Variants in CTNNBL1 observed in about 807,000 individuals in gnomAD.
CTNNBL1 encodes beta-catenin-like protein 1.
In CTNNBL1, 31 loss-of-function variants were observed where a neutral mutation model predicts 72.7. The ratio of observed to expected loss-of-function variants is 0.43; its 90% CI spans 0.32 to 0.58. The LOEUF (loss-of-function observed/expected upper bound fraction) is 0.58. CTNNBL1 is among the 20% of genes least tolerant of loss of function. CTNNBL1 has a pLI of 0.08. For missense variants in CTNNBL1, 534 were observed against 725.1 expected, an observed-to-expected ratio of 0.74 and a Z score of 3.03; for synonymous variants, 240 against 267.3, an observed-to-expected ratio of 0.90 and a Z score of 1.00.
intron 15 of CTNNBL1, among the ~76,000 whole-genome samples, chr20:37,866,057 G>C (rs1169276265): frequency 6.6e-6 from 1 of 152,254 alleles, no homozygotes; most frequent in Non-Finnish European, 1.5e-5. Context: ...GTTGGCATGT[G>C]CGTGGCTTGC....
intron 10 of CTNNBL1, among the ~76,000 whole-genome samples, chr20:37,795,345 A>G (rs1333219273): frequency 6.6e-6 from 1 of 152,102 alleles, no homozygotes; most frequent in East Asian, 1.9e-4. Context: ...GTAGAAATAC[A>G]GTTTTGCCAT....
At chr20:37,748,760 G>A (rs1449816558) in intron 4 of CTNNBL1, among the ~76,000 whole-genome samples, 1 of 152,202 alleles carries the variant, frequency 6.6e-6, no homozygotes, top group East Asian at 1.9e-4. Flanking sequence ...TCCTCACATG[G>A]TGGAAGGAGT....
At chr20:37,737,281 G>A in intron 2 of CTNNBL1, 97 bp from the exon 3 acceptor site, 1 of 812,278 alleles carries the variant, frequency 1.2e-6, no homozygotes, top group Non-Finnish European at 2.1e-6. Context: ...AAGGTCAATG[G>A]CAGAGTGAGG....
chr20:37,804,113 G>A (rs2071931096), intron 11 of CTNNBL1, among the ~76,000 whole-genome samples: 1 of 152,168 alleles, frequency 6.6e-6, no homozygotes, highest in South Asian at 2.1e-4. Context: ...AGCAAAAGAG[G>A]AACTGGCCTT....
rs183521662 is a variant in CTNNBL1 at position 37,740,842 on chromosome 20, T to C, written c.326+3358T>C. Reference sequence around the variant, plus strand: ...TTATTATAAAATAGTTTTGATCTTATAATTCCCTGAAAGGATCTCCAGCCA... The same window carrying C: ...TTATTATAAAATAGTTTTGATCTTACAATTCCCTGAAAGGATCTCCAGCCA... On this transcript the variant is annotated intron_variant, in intron 3 of 15. Transcript: ENST00000361383. 3.3e-5 allele frequency among the ~76,000 whole-genome samples: 5 copies of C among 152,342 alleles called. No homozygotes were observed. In the East Asian group the frequency reaches 9.7e-4, roughly 29 times the overall value.
intron 15 of CTNNBL1, among the ~76,000 whole-genome samples, chr20:37,866,237 G>GC (rs896710231): frequency 8.3e-4 from 127 of 152,338 alleles, no homozygotes; most frequent in African/African-American, 2.9e-3. Context: ...TAGGATTGCT[G>GC]CCCCCGGGCC....
chr20:37,769,817 A>G (rs1484882109), intron 7 of CTNNBL1, among the ~76,000 whole-genome samples: 1 of 152,238 alleles, frequency 6.6e-6, no homozygotes, highest in Non-Finnish European at 1.5e-5. Flanking sequence ...TGTCACAAGC[A>G]TCCAGAAAGT....
intron 5 of CTNNBL1, among the ~76,000 whole-genome samples, chr20:37,760,298 A>C (rs2073404585): frequency 6.6e-6 from 1 of 152,186 alleles, no homozygotes; most frequent in African/African-American, 2.4e-5. Flanking sequence ...TCTACTTGCC[A>C]GTCCCCAAAC....
Position 37,801,576 on chromosome 20 carries a change from C to CTA in CTNNBL1, c.1032-1289_1032-1288dup, listed in dbSNP as rs370465545. ...TGAAAATAGTTTATGTTTTTTAATTCTATGTTCATTATGGAAAAATGAGAA... is the reference window on the plus strand; with the variant it reads ...TGAAAATAGTTTATGTTTTTTAATTCTATATGTTCATTATGGAAAAATGAGAA... On this transcript the variant is annotated intron_variant, in intron 10 of 15. Coordinates refer to ENST00000361383, the MANE Select transcript of CTNNBL1 (RefSeq NM_030877.5). 3.1e-3 allele frequency among the ~76,000 whole-genome samples: 464 copies of CTA among 151,838 alleles called. 5 individuals are homozygous for CTA. The highest frequency in any genetic ancestry group is 0.01 in the African/African-American group (416 of 41,384).
At chr20:37,800,480 AT>A (rs776864496) in intron 10 of CTNNBL1, among the ~76,000 whole-genome samples, 22 of 151,816 alleles carry the variant, frequency 1.4e-4, no homozygotes, top group Non-Finnish European at 2.9e-4. Flanking sequence ...GTGGCCGTTT[AT>A]TTTGCTTTTT....
chr20:37,783,825 A>G (rs115530831), intron 10 of CTNNBL1, among the ~76,000 whole-genome samples: 4,910 of 152,318 alleles, frequency 0.032, 262 homozygotes, highest in African/African-American at 0.11. Context: ...AAGAATGTGT[A>G]TTCTGCAGCT....
At chr20:37,695,722 T>C (rs1434872631) in intron 1 of CTNNBL1, among the ~76,000 whole-genome samples, 2 of 152,186 alleles carry the variant, frequency 1.3e-5, no homozygotes, top group African/African-American at 4.8e-5. Flanking sequence ...ATACTTAATT[T>C]CTCTCTGCCT....
intron 5 of CTNNBL1, among the ~76,000 whole-genome samples, chr20:37,762,430 G>A (rs6126098): frequency 0.3 from 45,747 of 151,890 alleles, 7,823 homozygotes; most frequent in South Asian, 0.43. Flanking sequence ...ATCCTCTTTG[G>A]TCAAGTGGAA....
intron 7 of CTNNBL1, among the ~76,000 whole-genome samples, chr20:37,772,871 A>T (rs142084718): frequency 6.6e-6 from 1 of 152,326 alleles, no homozygotes; most frequent in Non-Finnish European, 1.5e-5. Flanking sequence ...GCCTAGCAGT[A>T]TATAGAGATA....
At chr20:37,694,701 TTG>T (rs768627327) in intron 1 of CTNNBL1, among the ~76,000 whole-genome samples, 35 of 152,238 alleles carry the variant, frequency 2.3e-4, no homozygotes, top group Non-Finnish European at 4.1e-4. Context: ...AAAGCTGTGC[TTG>T]TGTTTACTGC....
intron 11 of CTNNBL1, among the ~76,000 whole-genome samples, chr20:37,824,604 A>G (rs550306579): frequency 1.3e-5 from 2 of 152,360 alleles, no homozygotes; most frequent in East Asian, 3.9e-4. Flanking sequence ...AATAGATCAC[A>G]TAAAGGTTTA....
At chr20:37,751,683 A>G (rs1192956067) in intron 4 of CTNNBL1, 1 of 152,242 alleles carries the variant, frequency 6.6e-6, no homozygotes, top group Non-Finnish European at 1.5e-5. Context: ...ACAGTAGTCA[A>G]GGGTGCCTTG....
intron 10 of CTNNBL1, among the ~76,000 whole-genome samples, chr20:37,790,320 G>T (rs1177266023): frequency 1.3e-5 from 2 of 152,046 alleles, no homozygotes; most frequent in African/African-American, 4.8e-5. Flanking sequence ...TTTTATTCTT[G>T]TCATCCTTTA....
intron 4 of CTNNBL1, among the ~76,000 whole-genome samples, chr20:37,753,796 A>G (rs117191125): frequency 7.1e-4 from 108 of 152,340 alleles, no homozygotes; most frequent in Non-Finnish European, 1.3e-3. Context: ...GGCAGAGACT[A>G]TTACCCTAGT....
Sources: gnomAD v4.1 joint callset for allele counts (sites outside exome capture counted in the v4.1 genomes callset) on GRCh38, gnomAD v4.1.1 for gene constraint, MANE v1.5 for transcripts, NCBI Gene and HGNC (gene_info 2026-07-23, HGNC 2026-07-21) for gene names.